The following HERC3 variants were observed in gnomAD, a reference collection of about 807,000 sequenced individuals.
The protein encoded by HERC3 is HECT and RLD domain containing E3 ubiquitin protein ligase 3.
A neutral mutation model predicts 129.9 loss-of-function variants in HERC3; 58 were observed. The observed-to-expected ratio is 0.45, with a 90% CI of 0.36 to 0.56. The LOEUF (loss-of-function observed/expected upper bound fraction) is 0.56, where lower values mean the gene tolerates loss of function less well. Ranked by LOEUF, HERC3 falls within the 20% of genes least tolerant of loss-of-function variation. The probability of loss-of-function intolerance (pLI) is 0.00; values close to 1 mark genes in which losing one functional copy is unlikely to be tolerated. For missense variants in HERC3, 835 were observed against 1,244.2 expected, an observed-to-expected ratio of 0.67 and a Z score of 4.95; for synonymous variants, 430 against 451.0, an observed-to-expected ratio of 0.95 and a Z score of 0.59.
chr4:88,528,349 C>G, the HERC3 span, among the ~76,000 whole-genome samples: 3 of 152,194 alleles, frequency 2.0e-5, no homozygotes, highest in African/African-American at 7.2e-5. Context: ...CTTTCCATCT[C>G]AGGCAGCAAG....
chr4:88,617,104 T>C (rs527306293), intron 3 of HERC3, among the ~76,000 whole-genome samples: 1 of 149,106 alleles, frequency 6.7e-6, no homozygotes, highest in Non-Finnish European at 1.5e-5. Context: ...CGCTTCACTA[T>C]TGAAATGCCT....
At chr4:88,685,253 C>T (rs36106977) in intron 21 of HERC3, among the ~76,000 whole-genome samples, 6,616 of 152,168 alleles carry the variant, frequency 0.043, 400 homozygotes, top group East Asian at 0.27. Flanking sequence ...GGTATATATC[C>T]AAAGGATTTA....
chr4:88,680,300 C>A, intron 20 of HERC3, 64 bp downstream of exon 20: 1 of 1,284,672 alleles, frequency 7.8e-7, no homozygotes, highest in Non-Finnish European at 1.1e-6. Context: ...GTTGTCAGAC[C>A]AATCCCCTAA....
intron 3 of HERC3, among the ~76,000 whole-genome samples, chr4:88,616,353 C>A (rs900246467): frequency 5.3e-5 from 8 of 152,172 alleles, no homozygotes; most frequent in African/African-American, 1.9e-4. Flanking sequence ...ATAAGGGAAT[C>A]AAATTAGGTC....
chr4:88,591,634 G>T (rs1426353975), upstream of HERC3, among the ~76,000 whole-genome samples: 1 of 152,112 alleles, frequency 6.6e-6, no homozygotes, highest in African/African-American at 2.4e-5. Context: ...GAGGTTTTCT[G>T]CAAAAGATTA....
the HERC3 span, among the ~76,000 whole-genome samples, chr4:88,558,720 T>C: frequency 9.9e-5 from 15 of 151,886 alleles, no homozygotes; most frequent in African/African-American, 3.6e-4. Flanking sequence ...TCCCAGCACT[T>C]TGGGAGGCCG....
intron 3 of HERC3, 67 bp downstream of exon 3, chr4:88,606,116 GC>G: frequency 7.8e-7 from 1 of 1,276,778 alleles, no homozygotes; most frequent in South Asian, 1.4e-5. Context: ...ATGGCAGAGG[GC>G]CCAGATGGAG....
At chr4:88,669,292 A>G (rs1458923311) in intron 14 of HERC3, among the ~76,000 whole-genome samples, 2 of 152,206 alleles carry the variant, frequency 1.3e-5, no homozygotes, top group African/African-American at 2.4e-5. Context: ...TAAGTATTTC[A>G]GTATGGCTGA....
the HERC3 span, among the ~76,000 whole-genome samples, chr4:88,524,116 A>G: frequency 6.6e-6 from 1 of 152,208 alleles, no homozygotes; most frequent in East Asian, 1.9e-4. Context: ...ACTGTTATGT[A>G]TTGTACCGAA....
chr4:88,595,100 CAAAAAAAAAAAAAAA>C (rs758727600), intron 1 of HERC3, among the ~76,000 whole-genome samples: 1 of 60,084 alleles, frequency 1.7e-5, no homozygotes, highest in South Asian at 7.5e-4. Context: ...GACTCTGTCT[CAAAAAAAAAAAAAAA>C]AAAAAAAAGA....
intron 16 of HERC3, among the ~76,000 whole-genome samples, chr4:88,675,422 T>C (rs1174577792): frequency 1.3e-5 from 2 of 152,190 alleles, no homozygotes; most frequent in Admixed American, 6.5e-5. Flanking sequence ...AGAAATAATA[T>C]AGAGCACTCC....
intron 7 of HERC3, among the ~76,000 whole-genome samples, chr4:88,654,559 A>G (rs1729681039): frequency 6.7e-6 from 1 of 148,552 alleles, no homozygotes; most frequent in African/African-American, 2.4e-5. Flanking sequence ...TATTTTATGT[A>G]TATATAATAT....
Position 88,640,206 on chromosome 4 carries a change from C to A in HERC3, c.227-9634C>A, listed in dbSNP as rs985658536. Among the ~76,000 whole-genome samples the A allele has an allele frequency of 2.6e-5, 4 of 152,174 alleles. No individual in the cohort carries two copies. In the South Asian group the frequency reaches 8.3e-4, roughly 31 times the overall value. On this transcript the variant is annotated intron_variant, in intron 3 of 25. Coordinates refer to ENST00000402738, the MANE Select transcript of HERC3 (RefSeq NM_014606.3). The stretch of plus-strand genomic sequence containing the variant: ...CTAGAACCAGAAATACCATTTGACT[C>A]AGCAATCCCATTACTGGGTATATAC...
chr4:88,613,487 A>C (rs1489330454), intron 3 of HERC3, among the ~76,000 whole-genome samples: 4 of 152,220 alleles, frequency 2.6e-5, no homozygotes, highest in Non-Finnish European at 5.9e-5. Context: ...CAAAAGCTTC[A>C]ATTCCCAAAC....
At chr4:88,658,008 G>A (rs1040374030) in intron 9 of HERC3, among the ~76,000 whole-genome samples, 1 of 152,182 alleles carries the variant, frequency 6.6e-6, no homozygotes, top group Non-Finnish European at 1.5e-5. Flanking sequence ...GGTAAAGCAG[G>A]GAGCAGGAAA....
intron 3 of HERC3, among the ~76,000 whole-genome samples, chr4:88,636,790 C>G (rs751109757): frequency 2.0e-5 from 3 of 152,214 alleles, no homozygotes; most frequent in Non-Finnish European, 2.9e-5. Flanking sequence ...GTAACAGTCT[C>G]TCAGACCATA....
At chr4:88,615,966 C>T (rs1457377007) in intron 3 of HERC3, among the ~76,000 whole-genome samples, 7 of 152,078 alleles carry the variant, frequency 4.6e-5, no homozygotes, top group Non-Finnish European at 8.8e-5. Flanking sequence ...TTAATACATT[C>T]ATGACAAATA....
the HERC3 span, among the ~76,000 whole-genome samples, chr4:88,556,229 A>G: frequency 2.6e-5 from 4 of 152,184 alleles, no homozygotes; most frequent in Admixed American, 2.0e-4. Context: ...GGTGCCCTGG[A>G]GCTGCTAAAC....
the HERC3 span, among the ~76,000 whole-genome samples, chr4:88,524,278 T>G: frequency 6.6e-6 from 1 of 152,230 alleles, no homozygotes; most frequent in Non-Finnish European, 1.5e-5. Flanking sequence ...CCCTCCAAAA[T>G]ATATAAATTC....
Sources: allele counts gnomAD v4.1 joint callset (sites outside exome capture counted in the v4.1 genomes callset), GRCh38; gene constraint gnomAD v4.1.1; transcripts MANE v1.5; gene names NCBI Gene and HGNC (gene_info 2026-07-23, HGNC 2026-07-21).